RALY: variants seen among roughly 807,000 people sequenced by gnomAD.
RALY encodes the protein RNA-binding protein Raly.
RALY carries 15 observed loss-of-function variants against 30.7 expected under a neutral mutation model. The observed-to-expected ratio is 0.49, with a 90% CI of 0.33 to 0.75. The LOEUF is 0.75. Ranked by LOEUF, RALY falls within the 30% of genes least tolerant of loss-of-function variation. The probability of loss-of-function intolerance (pLI) is 0.02; values close to 1 mark genes in which losing one functional copy is unlikely to be tolerated. For synonymous variants in RALY, 177 were observed against 170.8 expected (o/e 1.04, Z -0.28); for missense variants, 339 against 414.3 (o/e 0.82, Z 1.58).
At chr20:34,070,560 T>C (rs1163441918) in intron 2 of RALY, among the ~76,000 whole-genome samples, 1 of 152,216 alleles carries the variant, frequency 6.6e-6, no homozygotes, top group Non-Finnish European at 1.5e-5. Context: ...TAAAAATAAT[T>C]CTCAGGTGAA....
chr20:34,007,841 A>T (rs1055835472), intron 1 of RALY, among the ~76,000 whole-genome samples: 2 of 148,002 alleles, frequency 1.4e-5, no homozygotes, highest in African/African-American at 2.6e-5. Flanking sequence ...AAAAAAAAAA[A>T]GTTCCCTGGG....
intron 1 of RALY, among the ~76,000 whole-genome samples, chr20:34,027,968 T>G (rs2032106189): frequency 6.6e-6 from 1 of 152,158 alleles, no homozygotes; most frequent in Non-Finnish European, 1.5e-5. Context: ...GGGAGGTAGA[T>G]CCAGACTAAG....
intron 2 of RALY, among the ~76,000 whole-genome samples, chr20:34,034,584 C>T (rs956634177): frequency 1.7e-4 from 26 of 152,158 alleles, no homozygotes; most frequent in African/African-American, 5.8e-4. Context: ...TGATAAGCTA[C>T]CCATATAATA....
At chr20:34,044,342 C>T (rs182918723) in intron 2 of RALY, among the ~76,000 whole-genome samples, 185 of 148,910 alleles carry the variant, frequency 1.2e-3, no homozygotes, top group Middle Eastern at 6.8e-3. Flanking sequence ...TTTTTTTTTC[C>T]GAGATGGGGT....
chr20:34,003,227 A>G (rs1318339893), intron 1 of RALY, among the ~76,000 whole-genome samples: 1 of 152,198 alleles, frequency 6.6e-6, no homozygotes, highest in African/African-American at 2.4e-5. Context: ...TGGAGATGTC[A>G]TCTTCTCTCT....
At chr20:34,039,024 G>A (rs2032601712) in intron 2 of RALY, among the ~76,000 whole-genome samples, 1 of 152,158 alleles carries the variant, frequency 6.6e-6, no homozygotes, top group Non-Finnish European at 1.5e-5. Context: ...CTACAAACAG[G>A]GAATGAGGTA....
rs1472302729 is a variant in RALY, at chr20:34,082,046, GTCAAA to G, written c.*2147_*2151del. On this transcript the variant is annotated 3_prime_UTR_variant, in exon 10 of 10. Transcript: ENST00000246194. ...TTGGGCTGGGCCTTGGCCCAGCTTAGTCAAATCAAAAGGCTTCTATTTGGAGAGCT... is the reference window on the plus strand; with the variant it reads ...TTGGGCTGGGCCTTGGCCCAGCTTAGTCAAAAGGCTTCTATTTGGAGAGCT... 1 of 152,362 alleles carries G rather than the reference GTCAAA, an allele frequency of 6.6e-6. No homozygotes were observed. Among genetic ancestry groups the G allele is most frequent in the African/African-American group, 2.4e-5 (1 of 41,460 alleles). 9.4% of individuals were successfully genotyped at this position (152,362 alleles called of 1,614,324 possible).
At chr20:34,061,057 A>G (rs1201565028) in intron 2 of RALY, among the ~76,000 whole-genome samples, 1 of 152,272 alleles carries the variant, frequency 6.6e-6, no homozygotes, top group East Asian at 1.9e-4. Flanking sequence ...AAAGACAGAA[A>G]ATGAGAAAAC....
intron 8 of RALY, 71 bp from the exon 9 acceptor site, chr20:34,078,434 C>T: frequency 1.4e-6 from 2 of 1,397,122 alleles, no homozygotes; most frequent in Non-Finnish European, 1.9e-6. Flanking sequence ...TTTTTCTGGA[C>T]AAATGGCTCA....
At chr20:34,059,796 T>C (rs1343521621) in intron 2 of RALY, among the ~76,000 whole-genome samples, 1 of 152,164 alleles carries the variant, frequency 6.6e-6, no homozygotes, top group Non-Finnish European at 1.5e-5. Flanking sequence ...ATGTAGGAGT[T>C]CCATCAGAGA....
intron 1 of RALY, among the ~76,000 whole-genome samples, chr20:34,024,560 A>G (rs2031948839): frequency 6.6e-6 from 1 of 152,116 alleles, no homozygotes; most frequent in African/African-American, 2.4e-5. Flanking sequence ...AGTTTCATCT[A>G]TTTATGGCAT....
intron 2 of RALY, among the ~76,000 whole-genome samples, chr20:34,052,746 T>A (rs139539491): frequency 2.2e-4 from 33 of 152,278 alleles, no homozygotes; most frequent in African/African-American, 7.7e-4. Flanking sequence ...CTGTAAGAAA[T>A]TTGAGTTATA....
At chr20:34,042,723 T>G (rs913099485) in intron 2 of RALY, among the ~76,000 whole-genome samples, 1 of 152,258 alleles carries the variant, frequency 6.6e-6, no homozygotes, top group Non-Finnish European at 1.5e-5. Context: ...GTTAGTACCC[T>G]AATGAAAATA....
chr20:34,019,933 C>T (rs1286519866), intron 1 of RALY, among the ~76,000 whole-genome samples: 1 of 151,876 alleles, frequency 6.6e-6, no homozygotes, highest in Non-Finnish European at 1.5e-5. Context: ...TAGTGGTGGG[C>T]GCCTGTAGTC....
chr20:33,994,541 G>C (rs2030500614), intron 1 of RALY, among the ~76,000 whole-genome samples: 1 of 152,230 alleles, frequency 6.6e-6, no homozygotes, highest in Non-Finnish European at 1.5e-5. Flanking sequence ...GCCCGGCCGC[G>C]GCTGCTTCCG....
At chr20:34,034,090 A>T (rs997711352) in intron 2 of RALY, among the ~76,000 whole-genome samples, 3 of 152,120 alleles carry the variant, frequency 2.0e-5, no homozygotes, top group Non-Finnish European at 4.4e-5. Flanking sequence ...CTCCACTGAG[A>T]TGTTGCCTTG....
At position 34,082,910 on chromosome 20, in the gene RALY, A is replaced by G. The variant is rs1389241255; in HGVS notation, c.*3005A>G. 6.6e-6 allele frequency: 1 copy of G among 152,240 alleles called. No individual in the cohort carries two copies. The highest frequency in any genetic ancestry group is 6.5e-5 in the Admixed American group (1 of 15,286). 9.4% of individuals were successfully genotyped at this position (152,240 alleles called of 1,614,324 possible). ...TAGATGTTTTCAGATTGAAAGCCTC[A>G]TTTGTGATCCTCACAGCCATCTTGA... is the stretch of plus-strand genomic sequence containing the variant. On this transcript the variant is annotated 3_prime_UTR_variant, in exon 10 of 10. Coordinates refer to ENST00000246194, the MANE Select transcript of RALY (RefSeq NM_016732.3).
rs73259661 is a variant in RALY, at chr20:34,077,387, G to A, written c.876+142G>A. On this transcript the variant is annotated intron_variant, in intron 8 of 9. Transcript: ENST00000246194. Reference sequence around the variant, plus strand: ...CTTCCCAGGGGTTCTGGTCCTGGGGGAAAGAGGGAAGAATGAGCAGGGGGC... The same window carrying A: ...CTTCCCAGGGGTTCTGGTCCTGGGGAAAAGAGGGAAGAATGAGCAGGGGGC... 64 of 1,514,960 alleles carry A rather than the reference G, an allele frequency of 4.2e-5. No homozygotes were observed. The African/African-American group carries it at 7.6e-4, about 18-fold the overall frequency. The allele number at this position is 1,514,960 out of a possible 1,614,324, so 93.8% of individuals were successfully genotyped here.
At chr20:34,054,086 C>A (rs942024363) in intron 2 of RALY, among the ~76,000 whole-genome samples, 4 of 152,040 alleles carry the variant, frequency 2.6e-5, no homozygotes, top group Admixed American at 1.3e-4. Context: ...CTTACATCTC[C>A]TTCTATTCTG....
Sources: allele counts gnomAD v4.1 joint callset (sites outside exome capture counted in the v4.1 genomes callset), GRCh38; gene constraint gnomAD v4.1.1; transcripts MANE v1.5; gene names NCBI Gene and HGNC (gene_info 2026-07-23, HGNC 2026-07-21).